The following PDSS2 variants were observed in gnomAD, a reference collection of about 807,000 sequenced individuals.
PDSS2 encodes decaprenyl diphosphate synthase subunit 2, also known as all trans-polyprenyl-diphosphate synthase PDSS2.
A neutral mutation model predicts 44.5 loss-of-function variants in PDSS2; 31 were observed. That is an observed-to-expected ratio of 0.70 (90% CI 0.52 to 0.94). The LOEUF is 0.94. PDSS2 is among the 40% of genes least tolerant of loss of function. The probability of loss-of-function intolerance (pLI) is 0.00; values close to 1 mark genes in which losing one functional copy is unlikely to be tolerated. For synonymous variants in PDSS2, 157 were observed against 180.3 expected (o/e 0.87, Z 1.03); for missense variants, 452 against 482.2 (o/e 0.94, Z 0.59).
intron 2 of PDSS2, among the ~76,000 whole-genome samples, chr6:107,332,106 CTTT>C (rs11284721): frequency 2.9e-4 from 39 of 135,814 alleles, no homozygotes; most frequent in Non-Finnish European, 2.9e-4. Flanking sequence ...ATAAGGTAAA[CTTT>C]TTTTTTTTTT....
chr6:107,160,173 G>A (rs1331986080), intron 7 of PDSS2, among the ~76,000 whole-genome samples: 2 of 152,150 alleles, frequency 1.3e-5, no homozygotes, highest in African/African-American at 4.8e-5. Context: ...CCAAAGTCGC[G>A]CCATTGCAAT....
intron 7 of PDSS2, among the ~76,000 whole-genome samples, chr6:107,170,833 G>A (rs1031059447): frequency 1.4e-4 from 21 of 151,794 alleles, no homozygotes; most frequent in Admixed American, 1.3e-3. Context: ...GGCTGGTGTC[G>A]AACTCCTGAC....
intron 6 of PDSS2, among the ~76,000 whole-genome samples, chr6:107,202,650 G>T (rs1391519880): frequency 6.6e-6 from 1 of 152,084 alleles, no homozygotes; most frequent in Non-Finnish European, 1.5e-5. Flanking sequence ...GAGCGCAGAA[G>T]GCATGTGCAA....
chr6:107,420,892 T>C (rs1167310962), intron 1 of PDSS2, among the ~76,000 whole-genome samples: 1 of 151,670 alleles, frequency 6.6e-6, no homozygotes, highest in African/African-American at 2.4e-5. Context: ...AGGACTCCAT[T>C]AACAAGATAA....
chr6:107,201,637 TTGAAAGCTGGA>T (rs1772782456), intron 6 of PDSS2, among the ~76,000 whole-genome samples: 1 of 152,094 alleles, frequency 6.6e-6, no homozygotes, highest in South Asian at 2.1e-4. Flanking sequence ...TTATCTGGAG[TTGAAAGCTGGA>T]TATGGGGACA....
At chr6:107,250,697 A>G (rs1774787408) in intron 3 of PDSS2, among the ~76,000 whole-genome samples, 1 of 152,166 alleles carries the variant, frequency 6.6e-6, no homozygotes, top group Non-Finnish European at 1.5e-5. Flanking sequence ...AGCATTCTGG[A>G]TAGACAAGTT....
At chr6:107,219,743 T>G (rs924158233) in intron 4 of PDSS2, among the ~76,000 whole-genome samples, 1 of 152,246 alleles carries the variant, frequency 6.6e-6, no homozygotes, top group Non-Finnish European at 1.5e-5. Flanking sequence ...CTTATATGTT[T>G]CCTTGAAGGT....
intron 2 of PDSS2, among the ~76,000 whole-genome samples, chr6:107,288,846 G>A (rs1016282521): frequency 2.3e-5 from 3 of 130,792 alleles, no homozygotes; most frequent in Non-Finnish European, 4.6e-5. Context: ...TGCAACCTCC[G>A]CCTACCGGAT....
chr6:107,319,846 T>C (rs1021590901), intron 2 of PDSS2, among the ~76,000 whole-genome samples: 2 of 152,222 alleles, frequency 1.3e-5, no homozygotes, highest in African/African-American at 4.8e-5. Context: ...ACAATTCTGA[T>C]TTTTCAGCTT....
intron 6 of PDSS2, 71 bp downstream of exon 6, chr6:107,210,368 A>G: frequency 8.7e-7 from 1 of 1,153,122 alleles, no homozygotes; most frequent in Non-Finnish European, 1.3e-6. Context: ...TATATCACCA[A>G]GAAATATCAA....
intron 3 of PDSS2, among the ~76,000 whole-genome samples, chr6:107,267,280 G>A (rs1183200700): frequency 6.6e-6 from 1 of 152,202 alleles, no homozygotes; most frequent in African/African-American, 2.4e-5. Flanking sequence ...AGCCTGTGAA[G>A]CTAGAGCTGG....
rs780155128 is a variant in PDSS2, at chr6:107,274,083, T to C, written c.576A>G (p.Gly192=). 16 of 1,613,954 alleles carry C rather than the reference T, an allele frequency of 9.9e-6. No individual in the cohort carries two copies. In the South Asian group the frequency reaches 1.6e-4, roughly 17 times the overall value. The stretch of plus-strand genomic sequence containing the variant: ...TGCAGGCATTTGCTAGAAGAAAGTC[T>C]CCACTCAGGATAGCAATTTTATTTC... ...QFGNKIAILS[G]DFLLANACNG... The change falls in exon 3 of 8, where the codon GGA becomes GGG. Residue 192 remains glycine (G), a synonymous_variant. Transcript: ENST00000369037.
intron 7 of PDSS2, among the ~76,000 whole-genome samples, chr6:107,157,925 C>T: frequency 6.6e-6 from 1 of 152,002 alleles, no homozygotes; most frequent in East Asian, 1.9e-4. Context: ...CCTGCCTCGG[C>T]CTCCCAAAGT....
intron 1 of PDSS2, among the ~76,000 whole-genome samples, chr6:107,437,341 A>C (rs1781381443): frequency 6.6e-6 from 1 of 152,046 alleles, no homozygotes; most frequent in South Asian, 2.1e-4. Context: ...CCTGGCCAAC[A>C]TGGCGAAACC....
chr6:107,330,240 C>G (rs1220918295), intron 2 of PDSS2, among the ~76,000 whole-genome samples: 1 of 151,936 alleles, frequency 6.6e-6, no homozygotes, highest in African/African-American at 2.4e-5. Context: ...TTTTTATGGC[C>G]AGGAAATAGT....
chr6:107,196,203 T>C (rs1321355923), intron 6 of PDSS2, among the ~76,000 whole-genome samples: 2 of 152,236 alleles, frequency 1.3e-5, no homozygotes, highest in East Asian at 1.9e-4. Flanking sequence ...TGGGCATCTT[T>C]TCCCAAAATA....
At chr6:107,404,999 C>G (rs545253912) in intron 1 of PDSS2, among the ~76,000 whole-genome samples, 24 of 152,124 alleles carry the variant, frequency 1.6e-4, no homozygotes, top group African/African-American at 5.1e-4. Flanking sequence ...TGTCTAAAAT[C>G]AATGTGAAGA....
chr6:107,179,945 G>T (rs1208036984), intron 7 of PDSS2, among the ~76,000 whole-genome samples: 2 of 152,152 alleles, frequency 1.3e-5, no homozygotes, highest in Non-Finnish European at 2.9e-5. Context: ...AAATCCGACA[G>T]CAGGATTAGT....
chr6:107,183,153 A>T (rs114584483), intron 7 of PDSS2, among the ~76,000 whole-genome samples: 3,785 of 151,774 alleles, frequency 0.025, 157 homozygotes, highest in African/African-American at 0.087. Context: ...TCAATACTGC[A>T]GTGAGCCATA....
Sources: allele counts gnomAD v4.1 joint callset (sites outside exome capture counted in the v4.1 genomes callset), GRCh38; gene constraint gnomAD v4.1.1; transcripts MANE v1.5; gene names NCBI Gene and HGNC (gene_info 2026-07-23, HGNC 2026-07-21).